The following ROBO2 variants were observed in gnomAD, a reference collection of about 807,000 sequenced individuals.
ROBO2 encodes roundabout guidance receptor 2.
A neutral mutation model predicts 160.8 loss-of-function variants in ROBO2; 53 were observed. The observed-to-expected ratio is 0.33, with a 90% CI of 0.26 to 0.41. The LOEUF (loss-of-function observed/expected upper bound fraction) is 0.41. ROBO2 is among the 10% of genes least tolerant of loss of function. The probability of loss-of-function intolerance (pLI) is 1.00; values close to 1 mark genes in which losing one functional copy is unlikely to be tolerated. For synonymous variants in ROBO2, 664 were observed against 611.7 expected, an observed-to-expected ratio of 1.09 and a Z score of -1.26; for missense variants, 1,577 against 1,722.4, an observed-to-expected ratio of 0.92 and a Z score of 1.49.
chr3:77,428,394 G>T (rs2078433012), intron 2 of ROBO2, among the ~76,000 whole-genome samples: 2 of 132,824 alleles, frequency 1.5e-5, no homozygotes, highest in South Asian at 4.7e-4. Flanking sequence ...TGTCACCCAG[G>T]CCGGACTGCG....
At chr3:75,911,145 A>G (rs1946563682) in intron 1 of ROBO2, among the ~76,000 whole-genome samples, 1 of 152,100 alleles carries the variant, frequency 6.6e-6, no homozygotes, top group Admixed American at 6.6e-5. Context: ...AATAGGACAA[A>G]TATGTTGAAC....
intron 2 of ROBO2, among the ~76,000 whole-genome samples, chr3:77,030,784 C>T (rs566767382): frequency 6.6e-6 from 1 of 152,286 alleles, no homozygotes; most frequent in South Asian, 2.1e-4. Context: ...TGGATTGGGG[C>T]TCATTCTAAT....
chr3:76,314,541 C>T (rs2071842978), intron 2 of ROBO2, among the ~76,000 whole-genome samples: 1 of 152,068 alleles, frequency 6.6e-6, no homozygotes, highest in African/African-American at 2.4e-5. Context: ...TTTCTTCTGT[C>T]TCTGCCACCC....
intron 2 of ROBO2, among the ~76,000 whole-genome samples, chr3:76,678,540 C>A (rs915217820): frequency 2.0e-5 from 3 of 152,118 alleles, no homozygotes; most frequent in Non-Finnish European, 4.4e-5. Context: ...TCTTAATGAT[C>A]ACAGAGATAC....
chr3:76,530,569 C>T lies in ROBO2; in HGVS notation c.110-567445C>T, dbSNP rs150028463. On this transcript the variant is annotated intron_variant, in intron 2 of 26. Transcript: ENST00000487694. ...GTTGACCTACGTAGAGATTGAACAT[C>T]CAAAAACCCCGTCTCGTCTCAGTAA... Among the ~76,000 whole-genome samples, 29 of 152,240 alleles carry T rather than the reference C, an allele frequency of 1.9e-4. No individual in the cohort carries two copies. The East Asian group carries it at 5.2e-3, about 27-fold the overall frequency.
chr3:77,598,489 A>G (rs188623809), intron 19 of ROBO2, among the ~76,000 whole-genome samples: 1,406 of 138,978 alleles, frequency 0.01, 10 homozygotes, highest in East Asian at 0.016. Context: ...TATAGTGTGT[A>G]TATATATATA....
chr3:76,906,997 C>T (rs1200306188), intron 2 of ROBO2, among the ~76,000 whole-genome samples: 2 of 152,030 alleles, frequency 1.3e-5, no homozygotes, highest in East Asian at 3.9e-4. Context: ...CTTCCTCCTG[C>T]TAGAATGCAA....
At chr3:76,609,877 C>A (rs1342166021) in intron 2 of ROBO2, among the ~76,000 whole-genome samples, 1 of 151,986 alleles carries the variant, frequency 6.6e-6, no homozygotes, top group African/African-American at 2.4e-5. Context: ...TTTTTATATA[C>A]CCAGATTTTT....
chr3:77,540,101 T>G (rs1298496846), intron 6 of ROBO2, among the ~76,000 whole-genome samples: 1 of 152,224 alleles, frequency 6.6e-6, no homozygotes, highest in African/African-American at 2.4e-5. Flanking sequence ...TAGGTTTCAC[T>G]GTGATGCGAT....
At chr3:76,915,626 C>A (rs1051723810) in intron 2 of ROBO2, among the ~76,000 whole-genome samples, 1 of 145,714 alleles carries the variant, frequency 6.9e-6, no homozygotes, top group East Asian at 2.0e-4. Context: ...GCCAAGATTG[C>A]GTCACTGCAC....
intron 2 of ROBO2, among the ~76,000 whole-genome samples, chr3:76,411,152 A>G (rs1446992455): frequency 6.6e-6 from 1 of 152,176 alleles, no homozygotes; most frequent in East Asian, 1.9e-4. Context: ...ACCCAAGAAG[A>G]GCCAAAATTA....
intron 1 of ROBO2, among the ~76,000 whole-genome samples, chr3:77,056,571 G>A (rs757719713): frequency 2.8e-4 from 43 of 151,962 alleles, no homozygotes; most frequent in Non-Finnish European, 5.4e-4. Context: ...ATTAAAGACA[G>A]GATAATATAG....
At chr3:75,997,283 C>G (rs904368452) in intron 2 of ROBO2, among the ~76,000 whole-genome samples, 3 of 152,112 alleles carry the variant, frequency 2.0e-5, no homozygotes, top group South Asian at 4.1e-4. Context: ...GATATCAAAT[C>G]AGCAATATTG....
chr3:77,190,536 T>C (rs1342033182), intron 2 of ROBO2, among the ~76,000 whole-genome samples: 1 of 151,984 alleles, frequency 6.6e-6, no homozygotes, highest in Non-Finnish European at 1.5e-5. Context: ...ATAGTGTAAC[T>C]TTTTTTACGA....
At chr3:76,810,926 T>C (rs1205928401) in intron 2 of ROBO2, among the ~76,000 whole-genome samples, 2 of 152,114 alleles carry the variant, frequency 1.3e-5, no homozygotes, top group Non-Finnish European at 2.9e-5. Flanking sequence ...TGAAGATAAT[T>C]TGGTTGTTTA....
intron 2 of ROBO2, among the ~76,000 whole-genome samples, chr3:76,889,370 A>T (rs2074163284): frequency 6.6e-6 from 1 of 152,228 alleles, no homozygotes; most frequent in Non-Finnish European, 1.5e-5. Flanking sequence ...GTGTCAAGAA[A>T]TGTTTGAAGA....
At chr3:76,565,510 A>G (rs1036154560) in intron 2 of ROBO2, among the ~76,000 whole-genome samples, 2 of 152,206 alleles carry the variant, frequency 1.3e-5, no homozygotes, top group African/African-American at 4.8e-5. Context: ...ACCTATCTGC[A>G]CTGTAGTTGA....
chr3:76,251,688 TAAAAG>T (rs1417522719), intron 2 of ROBO2, among the ~76,000 whole-genome samples: 1 of 152,030 alleles, frequency 6.6e-6, no homozygotes, highest in South Asian at 2.1e-4. Context: ...AAAAAGAAAT[TAAAAG>T]AAACAGTCAA....
At chr3:77,344,068 T>G (rs1240073961) in intron 2 of ROBO2, among the ~76,000 whole-genome samples, 1 of 152,008 alleles carries the variant, frequency 6.6e-6, no homozygotes, top group Admixed American at 6.6e-5. Flanking sequence ...TCAAGAACTG[T>G]AAATGCAAAG....
Sources: gnomAD v4.1 joint callset for allele counts (sites outside exome capture counted in the v4.1 genomes callset) on GRCh38, gnomAD v4.1.1 for gene constraint, MANE v1.5 for transcripts, NCBI Gene and HGNC (gene_info 2026-07-23, HGNC 2026-07-21) for gene names.